Variants in HIVEP3 observed in about 807,000 individuals in gnomAD.
HIVEP3 encodes HIVEP zinc finger 3.
A neutral mutation model predicts 152.8 loss-of-function variants in HIVEP3; 49 were observed. That is an observed-to-expected ratio of 0.32 (90% CI 0.26 to 0.41). The LOEUF is 0.41. Among genes scored for constraint, HIVEP3 ranks in the 10% least tolerant of loss-of-function variants. The pLI, the probability that HIVEP3 is intolerant of heterozygous loss-of-function variation, is 1.00. For missense variants in HIVEP3, 2,790 were observed against 3,103.3 expected (o/e 0.90, Z 2.40); for synonymous variants, 1,269 against 1,289.0 (o/e 0.98, Z 0.33).
chr1:41,817,825 C>T (rs1297132316), intron 1 of HIVEP3, among the ~76,000 whole-genome samples: 1 of 152,236 alleles, frequency 6.6e-6, no homozygotes, highest in Non-Finnish European at 1.5e-5. Context: ...ACTACTCCCT[C>T]TCTTTCCAAA....
intron 2 of HIVEP3, among the ~76,000 whole-genome samples, chr1:41,651,984 T>A (rs1645558000): frequency 6.6e-6 from 1 of 152,260 alleles, no homozygotes; most frequent in Non-Finnish European, 1.5e-5. Context: ...TAATAGTTCT[T>A]TAAATAATAA....
intron 1 of HIVEP3, among the ~76,000 whole-genome samples, chr1:41,885,258 G>A (rs569747622): frequency 2.0e-4 from 31 of 152,214 alleles, no homozygotes; most frequent in Middle Eastern, 3.4e-3. Flanking sequence ...TGAGCTTTCC[G>A]TTTCCTGCTC....
chr1:41,917,571 A>G (rs1424695854), intron 1 of HIVEP3, among the ~76,000 whole-genome samples: 2 of 152,160 alleles, frequency 1.3e-5, no homozygotes, highest in East Asian at 1.9e-4. Flanking sequence ...GTTAAAGGAA[A>G]CCAATGCCGA....
chr1:41,756,269 G>A (rs914787743), intron 1 of HIVEP3, among the ~76,000 whole-genome samples: 1 of 152,192 alleles, frequency 6.6e-6, no homozygotes, highest in Non-Finnish European at 1.5e-5. Context: ...CCAACAGTCA[G>A]GGATGACTGG....
intron 1 of HIVEP3, among the ~76,000 whole-genome samples, chr1:42,017,829 A>G (rs1368091890): frequency 6.6e-6 from 1 of 152,102 alleles, no homozygotes; most frequent in Non-Finnish European, 1.5e-5. Flanking sequence ...TTTAGTAGAT[A>G]CTGCCCAGTA....
At chr1:41,809,437 G>A (rs2124325034) in intron 1 of HIVEP3, among the ~76,000 whole-genome samples, 1 of 152,248 alleles carries the variant, frequency 6.6e-6, no homozygotes, top group Non-Finnish European at 1.5e-5. Flanking sequence ...GTGACCCCAG[G>A]CTCCTTCTCA....
At chr1:41,762,226 C>T (rs575359542) in intron 1 of HIVEP3, among the ~76,000 whole-genome samples, 1 of 152,200 alleles carries the variant, frequency 6.6e-6, no homozygotes, top group Non-Finnish European at 1.5e-5. Context: ...CTCACATCCC[C>T]TCTCTGCTGA....
intron 2 of HIVEP3, among the ~76,000 whole-genome samples, chr1:41,656,366 G>A (rs138269743): frequency 0.016 from 2,435 of 152,314 alleles, 31 homozygotes; most frequent in Non-Finnish European, 0.021. Flanking sequence ...GACAGGGGAG[G>A]GAACTGGCAA....
At chr1:41,569,909 A>G (rs1358887897) in intron 5 of HIVEP3, among the ~76,000 whole-genome samples, 1 of 152,254 alleles carries the variant, frequency 6.6e-6, no homozygotes, top group African/African-American at 2.4e-5. Context: ...TGAATTAAAT[A>G]AACTTTTAAA....
At chr1:41,957,381 T>C (rs1246995315) in intron 1 of HIVEP3, among the ~76,000 whole-genome samples, 1 of 152,234 alleles carries the variant, frequency 6.6e-6, no homozygotes, top group Non-Finnish European at 1.5e-5. Flanking sequence ...TTCTCATCAA[T>C]AGCTGTCAGT....
chr1:41,747,216 T>C (rs1166084452), intron 1 of HIVEP3, among the ~76,000 whole-genome samples: 1 of 152,292 alleles, frequency 6.6e-6, no homozygotes, highest in Middle Eastern at 3.4e-3. Context: ...AGAAGGGCAG[T>C]GAGGGTGAGG....
At position 41,868,196 on chromosome 1, in the gene HIVEP3, G is replaced by GTT. The variant is rs1210186542; in HGVS notation, c.-801+50216_-801+50217insAA. The stretch of plus-strand genomic sequence containing the variant: ...CAGTAGTTATATAATAGTTTGTGGG[G>GTT]GTTTTTTTTTTTTTGGTCTTGTTTT... On this transcript the variant is annotated intron_variant, in intron 1 of 8. Coordinates refer to ENST00000372583, the MANE Select transcript of HIVEP3 (RefSeq NM_024503.5). 5.1e-3 allele frequency among the ~76,000 whole-genome samples: 280 copies of GTT among 54,890 alleles called. 1 individual carries two copies. Among genetic ancestry groups the GTT allele is most frequent in the East Asian group, 0.019 (6 of 310 alleles). 36.0% of individuals were successfully genotyped at this position (54,890 alleles called of 152,430 possible).
chr1:41,631,920 G>A (rs1048932572), intron 2 of HIVEP3, among the ~76,000 whole-genome samples: 5 of 152,182 alleles, frequency 3.3e-5, no homozygotes, highest in Admixed American at 3.3e-4. Context: ...CTGAGCCTTG[G>A]CTCAGGCAGC....
intron 1 of HIVEP3, among the ~76,000 whole-genome samples, chr1:41,782,998 G>C (rs1186403818): frequency 6.6e-6 from 1 of 152,130 alleles, no homozygotes; most frequent in East Asian, 1.9e-4. Context: ...AGGGTGCCAG[G>C]GCTGTGGTTT....
intron 2 of HIVEP3, among the ~76,000 whole-genome samples, chr1:41,643,870 T>C (rs1470326806): frequency 7.4e-6 from 1 of 134,756 alleles, no homozygotes; most frequent in African/African-American, 2.8e-5. Context: ...CTCCCCAAAT[T>C]GTGTCTGCCT....
chr1:41,513,042 T>A lies in HIVEP3; in HGVS notation c.6179A>T (p.Asp2060Val), dbSNP rs539280427. 149 of 1,613,622 alleles carry A rather than the reference T, an allele frequency of 9.2e-5. 2 individuals carry two copies. The South Asian group carries it at 1.6e-3, about 17-fold the overall frequency. ...HVLSKLEGTT[D>V]PGLPRYSPTR... ...GGGCGAGTATCTGGGGAGGCCTGGG[T>A]CGGTGGTACCCTCGAGTTTGGAGAG... is the stretch of plus-strand genomic sequence containing the variant. The change falls in exon 8 of 9, where the codon GAC (aspartate) becomes GTC (valine). Residue 2060 changes from aspartate (D) to valine (V), a missense_variant. This residue lies in a region of HIVEP3 where 816 missense variants were observed against 806.5 expected (regional missense o/e 1.01). Coordinates refer to ENST00000372583, the MANE Select transcript of HIVEP3 (RefSeq NM_024503.5).
chr1:41,740,276 C>A (rs1646978002), intron 1 of HIVEP3, among the ~76,000 whole-genome samples: 1 of 152,262 alleles, frequency 6.6e-6, no homozygotes, highest in South Asian at 2.1e-4. Context: ...CCAAGGCCAT[C>A]CTGAAAGCAG....
chr1:41,767,862 A>G (rs2124258554), intron 1 of HIVEP3, among the ~76,000 whole-genome samples: 1 of 152,362 alleles, frequency 6.6e-6, no homozygotes, highest in Middle Eastern at 3.4e-3. Context: ...CGTGTTTGTC[A>G]GGAAATGAAC....
chr1:42,005,394 G>GTA (rs922445252), intron 1 of HIVEP3, among the ~76,000 whole-genome samples: 9 of 151,760 alleles, frequency 5.9e-5, no homozygotes, highest in East Asian at 1.9e-4. Context: ...ACACACATGT[G>GTA]TATATATATA....
Sources: allele counts gnomAD v4.1 joint callset (sites outside exome capture counted in the v4.1 genomes callset), GRCh38; gene constraint gnomAD v4.1.1; regional missense constraint gnomAD v4.1.1; transcripts MANE v1.5; gene names NCBI Gene and HGNC (gene_info 2026-07-23, HGNC 2026-07-21).